DMGDH: variants seen among roughly 807,000 people sequenced by gnomAD.
The protein encoded by DMGDH is dimethylglycine dehydrogenase, mitochondrial.
DMGDH carries 76 observed loss-of-function variants against 95.2 expected under a neutral mutation model. That is an observed-to-expected ratio of 0.80 (90% CI 0.66 to 0.97). The LOEUF (loss-of-function observed/expected upper bound fraction) is 0.97, where lower values mean the gene tolerates loss of function less well. DMGDH is among the 50% of genes least tolerant of loss of function. The pLI is 0.00. For synonymous variants in DMGDH, 345 were observed against 377.6 expected (o/e 0.91, Z 1.00); for missense variants, 987 against 1,055.0 (o/e 0.94, Z 0.89).
Position 79,063,577 on chromosome 5 carries a change from T to C in DMGDH, c.276+36A>G, listed in dbSNP as rs1412170788. On this transcript the variant is annotated intron_variant, in intron 2 of 15. Transcript: ENST00000255189. ...GGAAATGGACTTTACTCATGCACAA[T>C]TCCACGCTTATGACAGTTTGGGGTG... 2.5e-6 allele frequency: 4 copies of C among 1,613,670 alleles called. No homozygotes were observed. In the African/African-American group the frequency reaches 4.0e-5, roughly 16 times the overall value.
chr5:79,019,998 T>C (rs995759800), intron 14 of DMGDH, among the ~76,000 whole-genome samples: 2 of 152,224 alleles, frequency 1.3e-5, no homozygotes, highest in African/African-American at 2.4e-5. Context: ...TTGAATTTTC[T>C]AGCAGGTCCC....
At chr5:79,055,336 AC>A (rs747396130) in intron 3 of DMGDH, among the ~76,000 whole-genome samples, 132 of 152,118 alleles carry the variant, frequency 8.7e-4, no homozygotes, top group Admixed American at 1.3e-3. Context: ...AAAATTTGAG[AC>A]CTCAGTCTTA....
At chr5:79,039,830 A>G (rs1391459842) in intron 7 of DMGDH, among the ~76,000 whole-genome samples, 3 of 152,152 alleles carry the variant, frequency 2.0e-5, no homozygotes, top group African/African-American at 7.2e-5. Context: ...TGCCTATGCA[A>G]TGAAACCTCC....
At chr5:79,034,827 A>G (rs924049837) in intron 7 of DMGDH, among the ~76,000 whole-genome samples, 57 of 152,052 alleles carry the variant, frequency 3.7e-4, no homozygotes, top group African/African-American at 1.3e-3. Flanking sequence ...GGAGGCCGAG[A>G]CGGGCGGATC....
chr5:79,032,908 C>T (rs1754231804), intron 8 of DMGDH, 68 bp from the exon 9 acceptor site: 1 of 1,575,980 alleles, frequency 6.3e-7, no homozygotes, highest in East Asian at 2.2e-5. Flanking sequence ...CATGGGATTC[C>T]AAATATGGAA....
chr5:79,026,532 C>T lies in DMGDH; in HGVS notation c.2082G>A (p.Leu694=). Residue 694 remains leucine (L), a synonymous_variant, in exon 13 of 16, where the codon CTG becomes CTA. Coordinates refer to ENST00000255189, the MANE Select transcript of DMGDH (RefSeq NM_013391.3). ...LYHRREDSVA[L]YDAIMNAGQE... ...GGCCTGCATTCATGATAGCGTCATA[C>T]AGCGCCACAGAATCTTCTCTTCTGT... The T allele has an allele frequency of 6.2e-7, 1 of 1,614,176 alleles. No homozygotes were observed. Among genetic ancestry groups the T allele is most frequent in the Non-Finnish European group, 8.5e-7 (1 of 1,180,030 alleles).
intron 5 of DMGDH, among the ~76,000 whole-genome samples, chr5:79,050,221 C>G (rs1754801465): frequency 7.7e-6 from 1 of 129,536 alleles, no homozygotes; most frequent in African/African-American, 3.0e-5. Flanking sequence ...GCACTCCAGC[C>G]CGGGGCACAA....
At chr5:79,015,427 A>G (rs1321223888) in intron 14 of DMGDH, among the ~76,000 whole-genome samples, 1 of 152,166 alleles carries the variant, frequency 6.6e-6, no homozygotes, top group African/African-American at 2.4e-5. Flanking sequence ...CTTACTCAAA[A>G]TTCTTGGGTC....
intron 5 of DMGDH, among the ~76,000 whole-genome samples, chr5:79,044,860 C>T (rs903638217): frequency 2.6e-5 from 4 of 152,008 alleles, no homozygotes; most frequent in South Asian, 2.1e-4. Flanking sequence ...AAAGAAAAAA[C>T]GAACAACCCA....
intron 7 of DMGDH, among the ~76,000 whole-genome samples, chr5:79,035,393 C>T (rs1412178279): frequency 2.0e-5 from 3 of 152,124 alleles, no homozygotes; most frequent in African/African-American, 7.2e-5. Context: ...CTGATTTATG[C>T]TTTAGCAAGT....
In DMGDH at chr5:78,997,664, A is replaced by G; in HGVS notation, c.*418T>C. ...AAGGAAAGATTTCTCAAAGAAGTAA[A>G]TCCATAAACAATATTGTACATGTTT... On this transcript the variant is annotated 3_prime_UTR_variant, in exon 16 of 16. Coordinates refer to ENST00000255189, the MANE Select transcript of DMGDH (RefSeq NM_013391.3). 1 of 166,258 alleles carries G rather than the reference A, an allele frequency of 6.0e-6. No individual in the cohort carries two copies. The highest frequency in any genetic ancestry group is 1.3e-5 in the Non-Finnish European group (1 of 76,168). The allele number at this position is 166,258 out of a possible 1,614,324, so 10.3% of individuals were successfully genotyped here.
At chr5:79,051,188 GTGCTTCATGACAA>G in intron 5 of DMGDH, 86 bp downstream of exon 5, 3 of 1,300,538 alleles carry the variant, frequency 2.3e-6, no homozygotes, top group Non-Finnish European at 3.3e-6. Context: ...GAGCATCACA[GTGCTTCATGACAA>G]TGTCCATCGT....
chr5:79,036,833 G>A (rs1371995301), intron 7 of DMGDH, among the ~76,000 whole-genome samples: 2 of 152,108 alleles, frequency 1.3e-5, no homozygotes, highest in Non-Finnish European at 1.5e-5. Flanking sequence ...GCTATGGACT[G>A]AATGTTTGTG....
At chr5:79,021,769 T>C (rs1208992130) in intron 14 of DMGDH, 1 of 1,221,950 alleles carries the variant, frequency 8.2e-7, no homozygotes, top group Non-Finnish European at 1.1e-6. Flanking sequence ...CAATATATGT[T>C]ACCAGAGAGA....
intron 15 of DMGDH, among the ~76,000 whole-genome samples, chr5:79,001,916 G>A (rs2112597239): frequency 6.6e-6 from 1 of 152,194 alleles, no homozygotes; most frequent in African/African-American, 2.4e-5. Flanking sequence ...ATTTTAAATA[G>A]TTCTACCTAA....
intron 5 of DMGDH, among the ~76,000 whole-genome samples, chr5:79,048,343 G>A (rs16876393): frequency 0.02 from 3,035 of 152,182 alleles, 92 homozygotes; most frequent in African/African-American, 0.069. Context: ...GGACAATGCC[G>A]AAAACACATC....
At position 79,032,978 on chromosome 5, in the gene DMGDH, A is replaced by C. The variant is rs1754233546; in HGVS notation, c.1364-138T>G. On this transcript the variant is annotated intron_variant, in intron 8 of 15. Coordinates refer to ENST00000255189, the MANE Select transcript of DMGDH (RefSeq NM_013391.3). ...ATACATACATATATATGAATGATTC[A>C]TGTAGAAAACAGAGCTGTCATTTAT... The C allele has an allele frequency of 6.1e-6, 7 of 1,146,188 alleles. No homozygotes were observed. The South Asian group carries it at 6.5e-5, about 11-fold the overall frequency. 71.0% of individuals were successfully genotyped at this position (1,146,188 alleles called of 1,614,324 possible).
intron 2 of DMGDH, among the ~76,000 whole-genome samples, chr5:79,062,504 C>T (rs113069477): frequency 3.3e-5 from 5 of 151,638 alleles, no homozygotes; most frequent in East Asian, 1.9e-4. Context: ...CAGGGGCTAA[C>T]GCTGCCCAAA....
chr5:79,034,698 A>C (rs1260966872), intron 7 of DMGDH, among the ~76,000 whole-genome samples: 1 of 152,198 alleles, frequency 6.6e-6, no homozygotes, highest in Non-Finnish European at 1.5e-5. Context: ...TGAAAATGTT[A>C]ACTAACTTTT....
Sources: gnomAD v4.1 joint callset for allele counts (sites outside exome capture counted in the v4.1 genomes callset) on GRCh38, gnomAD v4.1.1 for gene constraint, MANE v1.5 for transcripts, NCBI Gene and HGNC (gene_info 2026-07-23, HGNC 2026-07-21) for gene names.